PTPRQ: variants seen among roughly 807,000 people sequenced by gnomAD.
PTPRQ encodes the protein phosphatidylinositol phosphatase PTPRQ.
PTPRQ carries 199 observed loss-of-function variants against 246.0 expected under a neutral mutation model. That is an observed-to-expected ratio of 0.81 (90% CI 0.72 to 0.91). The LOEUF (loss-of-function observed/expected upper bound fraction) is 0.91, where lower values mean the gene tolerates loss of function less well. Ranked by LOEUF, PTPRQ falls within the 40% of genes least tolerant of loss-of-function variation. The probability of loss-of-function intolerance (pLI) is 0.00; values close to 1 mark genes in which losing one functional copy is unlikely to be tolerated. For synonymous variants in PTPRQ, 869 were observed against 853.2 expected, an observed-to-expected ratio of 1.02 and a Z score of -0.32; for missense variants, 2,624 against 2,528.4, an observed-to-expected ratio of 1.04 and a Z score of -0.81.
chr12:80,589,545 G>A (rs1256541574), intron 26 of PTPRQ, among the ~76,000 whole-genome samples: 2 of 152,154 alleles, frequency 1.3e-5, no homozygotes, highest in Non-Finnish European at 2.9e-5. Flanking sequence ...TACCATGTTA[G>A]TACTTATAGA....
intron 39 of PTPRQ, among the ~76,000 whole-genome samples, chr12:80,664,323 G>C (rs138855645): frequency 6.6e-6 from 1 of 151,818 alleles, no homozygotes; most frequent in East Asian, 1.9e-4. Context: ...TAAAACAAAA[G>C]CAATTAAAAG....
At chr12:80,668,919 A>G in intron 39 of PTPRQ, 88 bp from the exon 40 acceptor site, 4 of 1,365,812 alleles carry the variant, frequency 2.9e-6, no homozygotes, top group Non-Finnish European at 3.8e-6. Context: ...TAATTTTACA[A>G]CCAGCATATG....
intron 38 of PTPRQ, among the ~76,000 whole-genome samples, chr12:80,654,007 C>A (rs28705332): frequency 6.6e-6 from 1 of 151,236 alleles, no homozygotes; most frequent in Non-Finnish European, 1.5e-5. Context: ...ATTTCTTTTT[C>A]TTTCTTTCTT....
rs1379720318 is a variant in PTPRQ, at chr12:80,496,006, G to T, written c.1890G>T (p.Lys630Asn). ...IDNSFLITGL[K>N]KYTKYKMRVA... is the part of the protein sequence containing the mutation. ...TGTCTCTTGTCCTTATAGGGTTAAA[G>T]AAATACACAAAATACAAAATGAGAG... The change falls in exon 13 of 45, where the codon AAG becomes AAT. Residue 630 changes from lysine to asparagine, a missense_variant. By Grantham distance (94) the Lys-to-Asn change is moderately conservative. Coordinates refer to ENST00000644991, the MANE Select transcript of PTPRQ (RefSeq NM_001145026.2). 8 of 1,549,452 alleles carry T rather than the reference G, an allele frequency of 5.2e-6. No homozygotes were observed. In the East Asian group the frequency reaches 9.8e-5, roughly 19 times the overall value.
intron 31 of PTPRQ, among the ~76,000 whole-genome samples, chr12:80,619,748 AAT>A (rs1898907528): frequency 6.6e-6 from 1 of 151,524 alleles, no homozygotes; most frequent in African/African-American, 2.4e-5. Context: ...AACTTTTATA[AAT>A]GTCATTTATT....
At chr12:80,674,402 G>A (rs1286159938) in intron 43 of PTPRQ, among the ~76,000 whole-genome samples, 1 of 152,054 alleles carries the variant, frequency 6.6e-6, no homozygotes, top group African/African-American at 2.4e-5. Context: ...CAAAGATAGA[G>A]CCCTATGGAC....
intron 35 of PTPRQ, among the ~76,000 whole-genome samples, chr12:80,639,633 T>A (rs1262297804): frequency 6.6e-6 from 1 of 152,238 alleles, no homozygotes; most frequent in Non-Finnish European, 1.5e-5. Context: ...ATGTTGAATT[T>A]TTGTTAAATA....
intron 32 of PTPRQ, among the ~76,000 whole-genome samples, chr12:80,621,405 T>C (rs1290165325): frequency 6.6e-6 from 1 of 151,974 alleles, no homozygotes; most frequent in Non-Finnish European, 1.5e-5. Context: ...CAATCATGTA[T>C]TGCAACGTAT....
chr12:80,598,140 A>G (rs1460207335), intron 26 of PTPRQ, among the ~76,000 whole-genome samples: 1 of 152,016 alleles, frequency 6.6e-6, no homozygotes, highest in African/African-American at 2.4e-5. Context: ...AATCATTCTT[A>G]GTATTCATGA....
At chr12:80,646,824 T>C (rs1900091975) in intron 35 of PTPRQ, among the ~76,000 whole-genome samples, 2 of 152,238 alleles carry the variant, frequency 1.3e-5, no homozygotes, top group Admixed American at 6.5e-5. Flanking sequence ...CAACTTTTGG[T>C]AGAGTTTTTC....
chr12:80,454,446 G>A, intron 3 of PTPRQ: 1 of 594,004 alleles, frequency 1.7e-6, no homozygotes, highest in Non-Finnish European at 3.0e-6. Flanking sequence ...ATGCAGAAAT[G>A]GATGCCTTTT....
In PTPRQ at chr12:80,539,987, A is replaced by G. The variant is rs796840842; in HGVS notation, c.3154+43A>G. On this transcript the variant is annotated intron_variant, in intron 20 of 44. Coordinates refer to ENST00000644991, the MANE Select transcript of PTPRQ (RefSeq NM_001145026.2). ...ACTAATCTTTAATATGATTAATTTA[A>G]AACTTATTATTTTAGGAAATTTTAC... 4 of 1,378,522 alleles carry G rather than the reference A, an allele frequency of 2.9e-6. No homozygotes were observed. In the African/African-American group the frequency reaches 6.0e-5, roughly 21 times the overall value. 85.4% of individuals were successfully genotyped at this position (1,378,522 alleles called of 1,614,324 possible). A position where few individuals can be genotyped will look rare whatever the true frequency, so the allele number is the denominator to read the frequency against.
intron 6 of PTPRQ, among the ~76,000 whole-genome samples, chr12:80,461,439 TAG>T (rs1429018904): frequency 6.6e-6 from 1 of 152,134 alleles, no homozygotes; most frequent in Admixed American, 6.6e-5. Context: ...TGAGAATAAT[TAG>T]ATATTATCAT....
intron 16 of PTPRQ, among the ~76,000 whole-genome samples, chr12:80,508,735 T>C (rs1256931168): frequency 6.6e-6 from 1 of 152,144 alleles, no homozygotes; most frequent in African/African-American, 2.4e-5. Flanking sequence ...CTTAGTCTGC[T>C]ACAGTGGATG....
chr12:80,537,052 A>G (rs1896009492), intron 19 of PTPRQ, among the ~76,000 whole-genome samples: 1 of 152,214 alleles, frequency 6.6e-6, no homozygotes, highest in East Asian at 1.9e-4. Flanking sequence ...TCTAATTTGC[A>G]ATTCATCTGC....
intron 17 of PTPRQ, among the ~76,000 whole-genome samples, chr12:80,518,854 G>C (rs553926413): frequency 6.6e-6 from 1 of 152,222 alleles, no homozygotes; most frequent in South Asian, 2.1e-4. Context: ...TTTTATGCCA[G>C]TACCATACTA....
At chr12:80,527,991 G>A (rs183228292) in intron 17 of PTPRQ, among the ~76,000 whole-genome samples, 112 of 152,194 alleles carry the variant, frequency 7.4e-4, no homozygotes, top group African/African-American at 2.1e-3. Flanking sequence ...GACTGAGATG[G>A]GAGGAGCACC....
chr12:80,506,639 T>G lies in PTPRQ; in HGVS notation c.2526T>G (p.Ser842Arg), dbSNP rs1160665564. ...ASTLKGEGVR[S>R]APISILTEED... is the part of the protein sequence containing the mutation. ...CACTCAAAGGTGAAGGAGTTCGGAG[T>G]GCTCCCATAAGTATACTGACGGAGG... is the stretch of plus-strand genomic sequence containing the variant. Residue 842 changes from serine to arginine, a missense_variant, in exon 16 of 45, where the codon AGT (serine) becomes AGG (arginine). By Grantham distance (110) the Ser-to-Arg change is moderately radical. Transcript: ENST00000644991. The G allele has an allele frequency of 1.3e-6, 2 of 1,544,306 alleles. No homozygotes were observed. The highest frequency in any genetic ancestry group is 2.5e-5 in the East Asian group (1 of 40,716).
In PTPRQ at chr12:80,510,436, T is replaced by C. The variant is rs1460061157; in HGVS notation, c.2671T>C (p.Tyr891His). Residue 891 changes from tyrosine to histidine, a missense_variant, in exon 17 of 45, where the codon TAT (tyrosine) becomes CAT (histidine). Transcript: ENST00000644991. The stretch of plus-strand genomic sequence containing the variant: ...TGGAATTATCCTTTATTACACAGTT[T>C]ATGTCTGGTAATAATTTTTTTTTTG... ...PNGIILYYTVYVWNRSSLKTI... is the reference protein window; with the variant it reads ...PNGIILYYTVHVWNRSSLKTI... The C allele has an allele frequency of 1.2e-5, 18 of 1,544,840 alleles. No individual in the cohort carries two copies. In the Middle Eastern group the frequency reaches 1.0e-3, roughly 86 times the overall value.
Sources: allele counts gnomAD v4.1 joint callset (sites outside exome capture counted in the v4.1 genomes callset), GRCh38; gene constraint gnomAD v4.1.1; transcripts MANE v1.5; gene names NCBI Gene and HGNC (gene_info 2026-07-23, HGNC 2026-07-21).